Variants in ACSM4 observed in about 807,000 individuals in gnomAD.
ACSM4 encodes acyl-CoA synthetase medium chain family member 4, also known as acyl-coenzyme A synthetase ACSM4, mitochondrial.
ACSM4 carries 66 observed loss-of-function variants against 73.0 expected under a neutral mutation model. That is an observed-to-expected ratio of 0.90 (90% confidence interval 0.74 to 1.11). The LOEUF (loss-of-function observed/expected upper bound fraction) is 1.11, where lower values mean the gene tolerates loss of function less well. Ranked by LOEUF, ACSM4 falls within the 50% of genes least tolerant of loss-of-function variation. The pLI, the probability that ACSM4 is intolerant of heterozygous loss-of-function variation, is 0.00. For synonymous variants in ACSM4, 222 were observed against 254.0 expected (o/e 0.87, Z 1.20); for missense variants, 645 against 714.4 (o/e 0.90, Z 1.11).
Position 7,305,098 on chromosome 12 carries a change from G to A in ACSM4, c.201+566G>A, listed in dbSNP as rs764784588. 3.9e-5 allele frequency among the ~76,000 whole-genome samples: 6 copies of A among 152,278 alleles called. No individual in the cohort carries two copies. The East Asian group carries it at 9.7e-4, about 25-fold the overall frequency. ...GGAACATGATGTTAGGTACTAGACAGACAAGGTATTAAATAACATTGAATC... is the reference window on the plus strand; with the variant it reads ...GGAACATGATGTTAGGTACTAGACAAACAAGGTATTAAATAACATTGAATC... On this transcript the variant is annotated intron_variant, in intron 1 of 12. Coordinates refer to ENST00000399422, the MANE Select transcript of ACSM4 (RefSeq NM_001080454.2).
At chr12:7,326,307 C>T (rs1363112832) in intron 11 of ACSM4, among the ~76,000 whole-genome samples, 1 of 152,082 alleles carries the variant, frequency 6.6e-6, no homozygotes, top group African/African-American at 2.4e-5. Context: ...TGGGCTCAGT[C>T]GATCCTCCTG....
At position 7,318,165 on chromosome 12, in the gene ACSM4, A is replaced by G; in HGVS notation, c.904A>G (p.Thr302Ala). ...TGTGCATCGAATGGCACAGTTTGAC[A>G]CTGACACCTTCCTAGACGTAAGTCA... ...VFVHRMAQFD[T>A]DTFLDTLTTY... Residue 302 changes from threonine to alanine, a missense_variant, in exon 5 of 13, where the codon ACT (threonine) becomes GCT (alanine). Thr to Ala is a moderately conservative substitution (Grantham distance 58, BLOSUM62 0). Coordinates refer to ENST00000399422, the MANE Select transcript of ACSM4 (RefSeq NM_001080454.2). 1 of 1,613,420 alleles carries G rather than the reference A, an allele frequency of 6.2e-7. No individual in the cohort carries two copies. The highest frequency in any genetic ancestry group is 8.5e-7 in the Non-Finnish European group (1 of 1,179,794).
intron 1 of ACSM4, among the ~76,000 whole-genome samples, chr12:7,305,524 A>C (rs954901962): frequency 2.0e-5 from 3 of 152,174 alleles, no homozygotes; most frequent in Non-Finnish European, 2.9e-5. Flanking sequence ...TCCCCATAAC[A>C]ACCTGGGAGG....
chr12:7,325,667 A>G (rs1946498399), intron 11 of ACSM4, among the ~76,000 whole-genome samples: 1 of 152,144 alleles, frequency 6.6e-6, no homozygotes, highest in South Asian at 2.1e-4. Context: ...CAAGAAAGAA[A>G]CAAAACTGTG....
At chr12:7,315,329 A>G (rs1346631897) in intron 3 of ACSM4, among the ~76,000 whole-genome samples, 1 of 152,048 alleles carries the variant, frequency 6.6e-6, no homozygotes, top group African/African-American at 2.4e-5. Context: ...ATGATACACC[A>G]GCCAGGTGTG....
Position 7,304,365 on chromosome 12 carries a change from T to C in ACSM4, c.34T>C (p.Phe12Leu). 6.2e-7 allele frequency: 1 copy of C among 1,613,960 alleles called. No homozygotes were observed. Among genetic ancestry groups the C allele is most frequent in the Non-Finnish European group, 8.5e-7 (1 of 1,179,856 alleles). The change falls in exon 1 of 13, where the codon TTC becomes CTC. Residue 12 changes from phenylalanine (F) to leucine (L), a missense_variant. Coordinates refer to ENST00000399422, the MANE Select transcript of ACSM4 (RefSeq NM_001080454.2). ...TTTTTTCCGCTACCAGACATTTAGA[T>C]TCATCTGGCTCACCAAGCCACCTGG... ...KIFFRYQTFRFIWLTKPPGRR... is the reference protein window; with the variant it reads ...KIFFRYQTFRLIWLTKPPGRR...
chr12:7,313,852 G>T (rs753778086), intron 3 of ACSM4, among the ~76,000 whole-genome samples: 23 of 152,182 alleles, frequency 1.5e-4, no homozygotes, highest in Non-Finnish European at 2.8e-4. Context: ...AGAGGCCAGG[G>T]TATGGGAGAT....
chr12:7,323,423 A>C lies in ACSM4; in HGVS notation c.1207-36A>C, dbSNP rs1257057020. 3 of 1,609,206 alleles carry C rather than the reference A, an allele frequency of 1.9e-6. No individual in the cohort carries two copies. In the South Asian group the frequency reaches 3.3e-5, roughly 18 times the overall value. The stretch of plus-strand genomic sequence containing the variant: ...AGCTGCTTTCATTTTTGTGAAAAGA[A>C]AATTTTAAGACCATCAATTATTTCT... On this transcript the variant is annotated intron_variant, in intron 8 of 12. Coordinates refer to ENST00000399422, the MANE Select transcript of ACSM4 (RefSeq NM_001080454.2).
intron 2 of ACSM4, among the ~76,000 whole-genome samples, chr12:7,309,298 C>G (rs968537523): frequency 2.5e-4 from 38 of 152,166 alleles, no homozygotes; most frequent in Non-Finnish European, 5.9e-5. Context: ...CTGCCACTCA[C>G]CAGCTCTGAC....
At chr12:7,326,798 C>A (rs530068950) in intron 11 of ACSM4, among the ~76,000 whole-genome samples, 178 bp from the exon 12 acceptor site, 1 of 152,196 alleles carries the variant, frequency 6.6e-6, no homozygotes, top group Admixed American at 6.5e-5. Flanking sequence ...TGAAAATATT[C>A]TGAAAAACCT....
Position 7,324,322 on chromosome 12 carries a change from C to G in ACSM4, c.1358C>G (p.Thr453Ser). ...AATIRGDFYV[T>S]GDRGVMDSDG... Reference sequence around the variant, plus strand: ...ACGATAAGAGGAGATTTTTATGTCACTGGAGACAGAGGAGTGATGGACAGT... The same window carrying G: ...ACGATAAGAGGAGATTTTTATGTCAGTGGAGACAGAGGAGTGATGGACAGT... Residue 453 changes from threonine to serine, a missense_variant, in exon 10 of 13, where the codon ACT becomes AGT. By Grantham distance (58) the Thr-to-Ser change is moderately conservative. Coordinates refer to ENST00000399422, the MANE Select transcript of ACSM4 (RefSeq NM_001080454.2). The G allele has an allele frequency of 6.2e-7, 1 of 1,613,884 alleles. No individual in the cohort carries two copies. The highest frequency in any genetic ancestry group is 1.1e-5 in the South Asian group (1 of 91,056).
intron 9 of ACSM4, 122 bp downstream of exon 9, chr12:7,323,682 A>T: frequency 1.2e-6 from 1 of 824,434 alleles, no homozygotes; most frequent in Non-Finnish European, 2.0e-6. Flanking sequence ...TAAAATGGGG[A>T]GACTATCATC....
intron 3 of ACSM4, among the ~76,000 whole-genome samples, chr12:7,315,316 A>C (rs1254157714): frequency 6.6e-6 from 1 of 152,212 alleles, no homozygotes; most frequent in Admixed American, 6.5e-5. Flanking sequence ...AGAAATTAAA[A>C]ATATGATACA....
intron 1 of ACSM4, 146 bp from the exon 2 acceptor site, chr12:7,306,387 G>C: frequency 1.4e-6 from 1 of 721,632 alleles, no homozygotes; most frequent in Non-Finnish European, 2.3e-6. Flanking sequence ...CAATAGGAGA[G>C]GGGCAGTTCC....
chr12:7,325,107 T>C (rs1485855427), intron 11 of ACSM4, among the ~76,000 whole-genome samples: 4 of 152,220 alleles, frequency 2.6e-5, no homozygotes, highest in African/African-American at 9.6e-5. Context: ...CTACCTTAGA[T>C]CACATCTCTA....
At chr12:7,322,779 G>A (rs73270533) in intron 7 of ACSM4, among the ~76,000 whole-genome samples, 4,523 of 152,208 alleles carry the variant, frequency 0.03, 237 homozygotes, top group African/African-American at 0.1. Flanking sequence ...TCTCAGAGGC[G>A]TTAGCGGGTG....
At chr12:7,308,012 A>G (rs2136328595) in intron 2 of ACSM4, among the ~76,000 whole-genome samples, 1 of 152,298 alleles carries the variant, frequency 6.6e-6, no homozygotes, top group South Asian at 2.1e-4. Context: ...CTAAATAGAA[A>G]TGACTGAATT....
intron 1 of ACSM4, among the ~76,000 whole-genome samples, chr12:7,306,277 G>A (rs1047530753): frequency 1.3e-5 from 2 of 152,146 alleles, no homozygotes; most frequent in African/African-American, 4.8e-5. Context: ...AAAAAGTCCA[G>A]AGAGAGAAGG....
chr12:7,314,777 T>C (rs1946410140), intron 3 of ACSM4, among the ~76,000 whole-genome samples: 1 of 152,350 alleles, frequency 6.6e-6, no homozygotes, highest in East Asian at 1.9e-4. Context: ...CATATCAACT[T>C]CACTGTATAC....
Sources: gnomAD v4.1 joint callset for allele counts (sites outside exome capture counted in the v4.1 genomes callset) on GRCh38, gnomAD v4.1.1 for gene constraint, MANE v1.5 for transcripts, NCBI Gene and HGNC (gene_info 2026-07-23, HGNC 2026-07-21) for gene names.